RBM19: variants seen among roughly 807,000 people sequenced by gnomAD.
RBM19 encodes the protein probable RNA-binding protein 19.
A neutral mutation model predicts 116.8 loss-of-function variants in RBM19; 94 were observed. The ratio of observed to expected loss-of-function variants is 0.80; its 90% CI spans 0.68 to 0.95. The LOEUF (loss-of-function observed/expected upper bound fraction) is 0.95. RBM19 is among the 40% of genes least tolerant of loss of function. The probability of loss-of-function intolerance (pLI) is 0.00; values close to 1 mark genes in which losing one functional copy is unlikely to be tolerated. For missense variants in RBM19, 1,161 were observed against 1,220.7 expected (o/e 0.95, Z 0.73); for synonymous variants, 475 against 494.1 (o/e 0.96, Z 0.51).
intron 21 of RBM19, among the ~76,000 whole-genome samples, chr12:113,874,793 A>G (rs1200808344): frequency 6.6e-6 from 1 of 152,234 alleles, no homozygotes; most frequent in Non-Finnish European, 1.5e-5. Context: ...ATGATGTTGG[A>G]AAGCCCAGTT....
intron 22 of RBM19, among the ~76,000 whole-genome samples, chr12:113,857,103 G>T (rs1385513548): frequency 6.6e-6 from 1 of 152,194 alleles, no homozygotes; most frequent in Non-Finnish European, 1.5e-5. Context: ...TAGGAACTCT[G>T]ATATAAGACA....
At chr12:113,841,512 G>A (rs556058925) in intron 23 of RBM19, among the ~76,000 whole-genome samples, 27 of 149,020 alleles carry the variant, frequency 1.8e-4, no homozygotes, top group African/African-American at 6.4e-4. Flanking sequence ...CAACCTCCGC[G>A]TCCCGGGTTC....
intron 23 of RBM19, among the ~76,000 whole-genome samples, chr12:113,830,575 CGGGGG>C (rs1232420079): frequency 1.7e-4 from 2 of 12,088 alleles, no homozygotes; most frequent in African/African-American, 1.0e-3. Context: ...GGCTGCGGGG[CGGGGG>C]GGGGGGGGGT....
At chr12:113,824,618 T>G (rs1045020147) in intron 23 of RBM19, among the ~76,000 whole-genome samples, 2 of 152,040 alleles carry the variant, frequency 1.3e-5, no homozygotes, top group South Asian at 2.1e-4. Context: ...GTGAGCTCCC[T>G]GGAGCTCACA....
At chr12:113,928,624 G>GGTGTGTGTGTGTGTGTGT (rs757641377) in intron 16 of RBM19, among the ~76,000 whole-genome samples, 85 of 54,302 alleles carry the variant, frequency 1.6e-3, no homozygotes, top group African/African-American at 6.2e-3. Flanking sequence ...GTTAGCAAGG[G>GGTGTGTGTGTGTGTGTGT]ATGTGTGTGT....
At chr12:113,827,994 G>A (rs1202810290) in intron 23 of RBM19, among the ~76,000 whole-genome samples, 1 of 151,376 alleles carries the variant, frequency 6.6e-6, no homozygotes. Context: ...ATATAGGTTG[G>A]TCATTCTTAC....
At chr12:113,862,751 C>T (rs1301354159) in intron 21 of RBM19, among the ~76,000 whole-genome samples, 1 of 152,114 alleles carries the variant, frequency 6.6e-6, no homozygotes. Flanking sequence ...GAGATGCACA[C>T]CACACTCCCC....
downstream of RBM19, among the ~76,000 whole-genome samples, chr12:113,819,372 G>GA (rs1383386700): frequency 1.3e-5 from 2 of 152,186 alleles, no homozygotes; most frequent in Non-Finnish European, 2.9e-5. Context: ...CAAGTGCTCT[G>GA]GTCCAGCCTG....
At position 113,823,320 on chromosome 12, in the gene RBM19, C is replaced by T. The variant is rs201432871; in HGVS notation, c.2787G>A (p.Glu929=). The T allele has an allele frequency of 5.1e-5, 82 of 1,612,640 alleles. 1 individual carries two copies. The East Asian group carries it at 1.7e-3, about 33-fold the overall frequency. The change falls in exon 24 of 24, where the codon GAG becomes GAA. Residue 929 remains glutamate (E), a splice_region_variant and synonymous_variant. Transcript: ENST00000261741. ...LRRKTAAHFH[E]PPKKKRSVVL... ...CCACAGACCGCTTTTTCTTCGGGGG[C>T]TCTGTGGGAGCCCAGATGGCAAGAG...
Position 113,955,124 on chromosome 12 carries a change from C to A in RBM19, c.921+7G>T. The A allele has an allele frequency of 1.2e-6, 2 of 1,613,908 alleles. No individual in the cohort carries two copies. Among genetic ancestry groups the A allele is most frequent in the Non-Finnish European group, 1.7e-6 (2 of 1,179,902 alleles). On this transcript the variant is annotated splice_region_variant and intron_variant, in intron 7 of 23. Coordinates refer to ENST00000261741, the MANE Select transcript of RBM19 (RefSeq NM_016196.4). ...GCTGCCGACCCTTGTCCTCAGTTAG[C>A]ACATACCTCTGTGACATTGAACGGG...
At chr12:113,851,531 C>A (rs1877445940) in intron 22 of RBM19, among the ~76,000 whole-genome samples, 1 of 152,194 alleles carries the variant, frequency 6.6e-6, no homozygotes. Context: ...GCTCTGGGCT[C>A]CCCTCAGGCA....
intron 14 of RBM19, among the ~76,000 whole-genome samples, chr12:113,941,584 A>ACCAT (rs369630299): frequency 5.2e-4 from 73 of 141,224 alleles, no homozygotes; most frequent in Middle Eastern, 4.0e-3. Flanking sequence ...GTATTCATCC[A>ACCAT]CCATCCATCC....
At chr12:113,921,996 G>C (rs554531731) in intron 18 of RBM19, among the ~76,000 whole-genome samples, 16 of 152,324 alleles carry the variant, frequency 1.1e-4, no homozygotes, top group African/African-American at 3.8e-4. Context: ...TGGGGGGATG[G>C]AGGAGAGAGA....
intron 22 of RBM19, 38 bp downstream of exon 22, chr12:113,858,753 G>A (rs1593493009): frequency 6.3e-7 from 1 of 1,588,382 alleles, no homozygotes; most frequent in African/African-American, 1.3e-5. Flanking sequence ...CTGGAAAGGG[G>A]AGGCCTGGAC....
chr12:113,944,389 T>C (rs901537686), intron 13 of RBM19, among the ~76,000 whole-genome samples: 6 of 151,988 alleles, frequency 3.9e-5, no homozygotes, highest in African/African-American at 1.4e-4. Context: ...TGAGCCACCG[T>C]TCCCAACCCA....
intron 21 of RBM19, among the ~76,000 whole-genome samples, chr12:113,889,208 C>T (rs772583701): frequency 1.2e-4 from 18 of 152,214 alleles, no homozygotes; most frequent in Non-Finnish European, 2.1e-4. Flanking sequence ...CACTAGATGC[C>T]AGCAGCACCC....
At chr12:113,918,834 T>C (rs1882939703) in intron 19 of RBM19, among the ~76,000 whole-genome samples, 1 of 152,214 alleles carries the variant, frequency 6.6e-6, no homozygotes, top group East Asian at 1.9e-4. Context: ...CCTAGTGGAG[T>C]TGCATCTAAA....
intron 23 of RBM19, among the ~76,000 whole-genome samples, chr12:113,830,597 T>C (rs1044885443): frequency 1.2e-5 from 1 of 86,252 alleles, no homozygotes; most frequent in Non-Finnish European, 2.3e-5. Context: ...GGGTGGGCTA[T>C]GCCTGGGGGC....
intron 23 of RBM19, 37 bp from the exon 24 acceptor site, chr12:113,823,358 CA>C: frequency 3.2e-6 from 5 of 1,580,542 alleles, no homozygotes; most frequent in Non-Finnish European, 4.3e-6. Flanking sequence ...GAGAAAAGAA[CA>C]GCCGAGAGGG....
Sources: gnomAD v4.1 joint callset for allele counts (sites outside exome capture counted in the v4.1 genomes callset) on GRCh38, gnomAD v4.1.1 for gene constraint, MANE v1.5 for transcripts, NCBI Gene and HGNC (gene_info 2026-07-23, HGNC 2026-07-21) for gene names.